Variants in EIF3B observed in about 807,000 individuals in gnomAD.
EIF3B encodes the protein eukaryotic translation initiation factor 3 subunit B, also known as eukaryotic translation initiation factor 3 subunit 9.
EIF3B carries 10 observed loss-of-function variants against 104.6 expected under a neutral mutation model. The ratio of observed to expected loss-of-function variants is 0.10; its 90% CI spans 0.06 to 0.16. The LOEUF (loss-of-function observed/expected upper bound fraction) is 0.16, where lower values mean the gene tolerates loss of function less well. Ranked by LOEUF, EIF3B falls within the 10% of genes least tolerant of loss-of-function variation. EIF3B has a pLI of 1.00. For missense variants in EIF3B, 1,014 were observed against 1,087.9 expected, an observed-to-expected ratio of 0.93 and a Z score of 0.96; for synonymous variants, 542 against 417.2, an observed-to-expected ratio of 1.30 and a Z score of -3.65.
At chr7:2,361,571 T>C (rs1779728264) in intron 2 of EIF3B, among the ~76,000 whole-genome samples, 1 of 151,892 alleles carries the variant, frequency 6.6e-6, no homozygotes, top group Non-Finnish European at 1.5e-5. Context: ...TGGCGCCCGC[T>C]ACCACGCCCG....
chr7:2,366,061 C>T (rs1780010048), intron 6 of EIF3B, among the ~76,000 whole-genome samples: 1 of 152,182 alleles, frequency 6.6e-6, no homozygotes, highest in East Asian at 1.9e-4. Context: ...CTCTGGATCA[C>T]TTAGCAGCCT....
In EIF3B at chr7:2,378,680, T is replaced by C. The variant is rs1780824422; in HGVS notation, c.2155-9T>C. ...TGTTAAATCCTGAGTGATGGGTCTTTTGTTTCAGCAAATTAAAAAGGATCT... is the reference window on the plus strand; with the variant it reads ...TGTTAAATCCTGAGTGATGGGTCTTCTGTTTCAGCAAATTAAAAAGGATCT... On this transcript the variant is annotated splice_polypyrimidine_tract_variant and intron_variant, in intron 15 of 18. Transcript: ENST00000360876. The C allele has an allele frequency of 3.1e-6, 5 of 1,612,792 alleles. No homozygotes were observed. The African/African-American group carries it at 6.7e-5, about 22-fold the overall frequency.
intron 13 of EIF3B, 125 bp from the exon 14 acceptor site, chr7:2,375,264 T>G: frequency 8.1e-6 from 10 of 1,232,884 alleles, no homozygotes; most frequent in Non-Finnish European, 1.2e-5. Context: ...GCTGTTGCTG[T>G]GCTTGTTTCC....
chr7:2,368,204 G>A (rs1280956228), intron 9 of EIF3B, among the ~76,000 whole-genome samples: 1 of 152,122 alleles, frequency 6.6e-6, no homozygotes, highest in East Asian at 1.9e-4. Flanking sequence ...GTACAGTGGC[G>A]TGATCTCGGC....
intron 1 of EIF3B, among the ~76,000 whole-genome samples, chr7:2,358,840 T>G (rs1481190381): frequency 6.6e-6 from 1 of 152,206 alleles, no homozygotes; most frequent in Non-Finnish European, 1.5e-5. Flanking sequence ...TGTTCTAAAT[T>G]CTGACACGTG....
intron 2 of EIF3B, among the ~76,000 whole-genome samples, chr7:2,362,031 C>G (rs1470369964): frequency 3.3e-5 from 5 of 152,164 alleles, no homozygotes; most frequent in Non-Finnish European, 7.3e-5. Context: ...ACGATCTTGG[C>G]TCACTGCAAC....
At chr7:2,359,991 C>T (rs555545674) in intron 1 of EIF3B, among the ~76,000 whole-genome samples, 15 of 152,102 alleles carry the variant, frequency 9.9e-5, no homozygotes, top group African/African-American at 2.9e-4. Flanking sequence ...TTGTTCTGAA[C>T]GAAGGTGCGT....
At chr7:2,370,081 ATAT>A (rs1232462306) in intron 10 of EIF3B, among the ~76,000 whole-genome samples, 2 of 152,018 alleles carry the variant, frequency 1.3e-5, no homozygotes, top group Admixed American at 1.3e-4. Context: ...CTGGCTGAGA[ATAT>A]TATTTTCTTT....
chr7:2,367,824 A>ATT (rs1562484073), intron 9 of EIF3B, among the ~76,000 whole-genome samples: 50 of 101,730 alleles, frequency 4.9e-4, no homozygotes, highest in South Asian at 1.6e-3. Flanking sequence ...CTTTTTTTAA[A>ATT]ATTTTTTTTT....
At chr7:2,371,020 A>ACG (rs1780307424) in intron 10 of EIF3B, among the ~76,000 whole-genome samples, 2 of 152,070 alleles carry the variant, frequency 1.3e-5, no homozygotes, top group African/African-American at 4.8e-5. Flanking sequence ...CCGAGATTGC[A>ACG]CCACTGCACT....
intron 5 of EIF3B, 24 bp from the exon 6 acceptor site, chr7:2,364,348 C>A: frequency 6.4e-7 from 1 of 1,566,094 alleles, no homozygotes. Flanking sequence ...GTTGTATTAA[C>A]GTTGGCACTG....
chr7:2,377,617 C>G (rs1259744620), intron 15 of EIF3B, among the ~76,000 whole-genome samples: 4 of 109,660 alleles, frequency 3.6e-5, no homozygotes, highest in African/African-American at 2.5e-4. Context: ...CAGGCGCGAG[C>G]TCTCCTGGGA....
intron 1 of EIF3B, among the ~76,000 whole-genome samples, chr7:2,358,870 C>T (rs775596051): frequency 7.9e-5 from 12 of 152,118 alleles, no homozygotes; most frequent in Non-Finnish European, 1.6e-4. Context: ...AGCAGCCCTG[C>T]GAGGCATTTC....
chr7:2,366,278 G>C (rs2115305531), intron 6 of EIF3B, 39 bp from the exon 7 acceptor site: 1 of 1,541,066 alleles, frequency 6.5e-7, no homozygotes, highest in Non-Finnish European at 8.7e-7. Flanking sequence ...ATCCTCTCGT[G>C]AGAGGAGGAT....
intron 3 of EIF3B, 105 bp from the exon 4 acceptor site, chr7:2,362,965 T>C: frequency 6.7e-7 from 1 of 1,483,452 alleles, no homozygotes; most frequent in Non-Finnish European, 9.4e-7. Context: ...GTCACAGCCC[T>C]GGGGGCGGGC....
At chr7:2,367,142 C>A in intron 9 of EIF3B, 97 bp downstream of exon 9, 1 of 1,161,760 alleles carries the variant, frequency 8.6e-7, no homozygotes, top group Non-Finnish European at 1.2e-6. Context: ...GGCTGGGTGG[C>A]TTATGACAGC....
chr7:2,376,828 G>C, intron 14 of EIF3B, 122 bp from the exon 15 acceptor site: 1 of 1,398,424 alleles, frequency 7.2e-7, no homozygotes, highest in Non-Finnish European at 9.7e-7. Context: ...GCTCAGCACA[G>C]GCAGAGCTTT....
chr7:2,367,174 CT>C, intron 9 of EIF3B, 129 bp downstream of exon 9: 1 of 932,092 alleles, frequency 1.1e-6, no homozygotes, highest in Non-Finnish European at 1.6e-6. Context: ...TCTCCCAGTT[CT>C]GGAGCTTGGG....
intron 12 of EIF3B, chr7:2,373,918 T>C (rs1780496381): frequency 6.6e-6 from 1 of 152,222 alleles, no homozygotes; most frequent in South Asian, 2.1e-4. Flanking sequence ...CCTCCCCACG[T>C]CAGCCTGCCC....
Sources: allele counts gnomAD v4.1 joint callset (sites outside exome capture counted in the v4.1 genomes callset), GRCh38; gene constraint gnomAD v4.1.1; transcripts MANE v1.5; gene names NCBI Gene and HGNC (gene_info 2026-07-23, HGNC 2026-07-21).